Variants in MYO1D observed in about 807,000 individuals in gnomAD.
MYO1D encodes unconventional myosin-Id.
Under a neutral mutation model 122.0 loss-of-function variants are expected in MYO1D, and 83 were observed. The ratio of observed to expected loss-of-function variants is 0.68; its 90% confidence interval spans 0.57 to 0.82. The LOEUF is 0.82. Ranked by LOEUF, MYO1D falls within the 40% of genes least tolerant of loss-of-function variation. MYO1D has a pLI of 0.00. For synonymous variants in MYO1D, 464 were observed against 446.9 expected (o/e 1.04, Z -0.48); for missense variants, 1,157 against 1,269.5 (o/e 0.91, Z 1.35).
chr17:32,723,176 A>C lies in MYO1D; in HGVS notation c.1747-1987T>G, dbSNP rs971382889. On this transcript the variant is annotated intron_variant, in intron 14 of 21. Coordinates refer to ENST00000318217, the MANE Select transcript of MYO1D (RefSeq NM_015194.3). ...CGCTTGGACCCGAGTTCTGTGAATCATTCTAGTGAATTATCAAACCTGAAG... is the reference window on the plus strand; with the variant it reads ...CGCTTGGACCCGAGTTCTGTGAATCCTTCTAGTGAATTATCAAACCTGAAG... 3.3e-5 allele frequency among the ~76,000 whole-genome samples: 5 copies of C among 152,314 alleles called. No homozygotes were observed. In the East Asian group the frequency reaches 9.6e-4, roughly 29 times the overall value.
chr17:32,612,029 A>G (rs1461703349), intron 20 of MYO1D, among the ~76,000 whole-genome samples: 2 of 152,242 alleles, frequency 1.3e-5, no homozygotes, highest in African/African-American at 4.8e-5. Context: ...CAATGCAGCA[A>G]CAGAAAAAAG....
intron 21 of MYO1D, among the ~76,000 whole-genome samples, chr17:32,502,263 G>A (rs1909341378): frequency 6.6e-6 from 1 of 152,212 alleles, no homozygotes; most frequent in African/African-American, 2.4e-5. Context: ...ACAACAAGAT[G>A]AACCTTGAAC....
chr17:32,661,655 C>CA (rs11367680), intron 16 of MYO1D, among the ~76,000 whole-genome samples: 9 of 147,790 alleles, frequency 6.1e-5, no homozygotes, highest in East Asian at 4.0e-4. Flanking sequence ...GACCCTGTCC[C>CA]AAAAAAAAAA....
rs1011717198 is a variant in MYO1D at position 32,778,756 on chromosome 17, C to T, written c.305-183G>A. Among the ~76,000 whole-genome samples the T allele has an allele frequency of 2.6e-5, 4 of 152,086 alleles. No homozygotes were observed. The South Asian group carries it at 6.2e-4, about 24-fold the overall frequency. On this transcript the variant is annotated intron_variant, in intron 2 of 21. Coordinates refer to ENST00000318217, the MANE Select transcript of MYO1D (RefSeq NM_015194.3). ...GCCTTGATATGGTTAGTGGTTCTAA[C>T]AGACCTGAATATGATGAAGAAAATA...
intron 21 of MYO1D, among the ~76,000 whole-genome samples, chr17:32,540,117 A>T (rs1483432921): frequency 6.6e-6 from 1 of 151,982 alleles, no homozygotes; most frequent in Non-Finnish European, 1.5e-5. Context: ...AGTCTGAGGC[A>T]GGCGGATCAT....
At chr17:32,768,525 CTT>C (rs1214930484) in intron 6 of MYO1D, among the ~76,000 whole-genome samples, 38 of 152,326 alleles carry the variant, frequency 2.5e-4, no homozygotes, top group Non-Finnish European at 1.8e-4. Flanking sequence ...AGTTTCTCCT[CTT>C]GTTTGGATAC....
intron 21 of MYO1D, among the ~76,000 whole-genome samples, chr17:32,542,892 A>G (rs1910881413): frequency 1.3e-5 from 2 of 152,216 alleles, no homozygotes; most frequent in African/African-American, 4.8e-5. Context: ...GGATTTCATG[A>G]TCATTAGCTC....
intron 20 of MYO1D, chr17:32,627,688 T>C: frequency 6.6e-6 from 1 of 152,094 alleles, no homozygotes; most frequent in East Asian, 1.9e-4. Context: ...AAGCCCATAC[T>C]GATAAAAAGG....
chr17:32,755,462 AAAGG>A (rs1349010589), intron 11 of MYO1D, 26 bp downstream of exon 11: 1 of 1,602,544 alleles, frequency 6.2e-7, no homozygotes, highest in Non-Finnish European at 8.5e-7. Context: ...CTCACAGATA[AAAGG>A]AAGAAGGTGT....
chr17:32,852,762 TG>T (rs1362110380), intron 1 of MYO1D, among the ~76,000 whole-genome samples: 2 of 152,190 alleles, frequency 1.3e-5, no homozygotes, highest in Non-Finnish European at 2.9e-5. Context: ...ACAAGAATCA[TG>T]TATTTATAAA....
Position 32,535,326 on chromosome 17 carries a change from C to T in MYO1D, c.2865-40411G>A, listed in dbSNP as rs551518499. ...TAAGTATAATTGCAGATTAAATTTT[C>T]ACTTTATGACCTAGTACATAGCACT... On this transcript the variant is annotated intron_variant, in intron 21 of 21. Transcript: ENST00000318217. 5.3e-5 allele frequency among the ~76,000 whole-genome samples: 8 copies of T among 152,296 alleles called. 1 individual carries two copies. In the East Asian group the frequency reaches 1.5e-3, roughly 29 times the overall value.
At chr17:32,564,755 C>T (rs1011732835) in intron 21 of MYO1D, among the ~76,000 whole-genome samples, 1 of 152,158 alleles carries the variant, frequency 6.6e-6, no homozygotes, top group East Asian at 1.9e-4. Context: ...GCACCTTTAA[C>T]CCTGACTCTA....
intron 1 of MYO1D, among the ~76,000 whole-genome samples, chr17:32,853,509 T>G (rs2091005882): frequency 1.3e-5 from 2 of 152,240 alleles, no homozygotes; most frequent in Non-Finnish European, 2.9e-5. Flanking sequence ...AATAGTTGGA[T>G]GCATCCTCCT....
intron 21 of MYO1D, among the ~76,000 whole-genome samples, chr17:32,534,843 G>A (rs1002020360): frequency 6.6e-6 from 1 of 152,130 alleles, no homozygotes; most frequent in Non-Finnish European, 1.5e-5. Context: ...GGAATTGAGT[G>A]AGCGAAGTAC....
chr17:32,556,550 A>AT (rs1398186174), intron 21 of MYO1D, among the ~76,000 whole-genome samples: 1 of 89,820 alleles, frequency 1.1e-5, no homozygotes, highest in Non-Finnish European at 2.1e-5. Flanking sequence ...TTATGGCCAC[A>AT]ATTTTTTTTT....
chr17:32,566,093 T>C (rs972744892), intron 21 of MYO1D, among the ~76,000 whole-genome samples: 7 of 152,118 alleles, frequency 4.6e-5, no homozygotes, highest in African/African-American at 1.4e-4. Flanking sequence ...GCTTCCTATA[T>C]ATTCATTCAA....
At chr17:32,536,403 C>A (rs1355552015) in intron 21 of MYO1D, among the ~76,000 whole-genome samples, 1 of 152,160 alleles carries the variant, frequency 6.6e-6, no homozygotes, top group Admixed American at 6.6e-5. Flanking sequence ...AATCACAAGT[C>A]ATATCTTGAA....
chr17:32,766,534 GCCTGTAATCCCAGAACTT>G (rs2090059033), intron 7 of MYO1D, among the ~76,000 whole-genome samples: 1 of 152,104 alleles, frequency 6.6e-6, no homozygotes, highest in Non-Finnish European at 1.5e-5. Flanking sequence ...AGTGGCTCAC[GCCTGTAATCCCAGAACTT>G]TGGGAGGCTG....
intron 1 of MYO1D, among the ~76,000 whole-genome samples, chr17:32,832,935 G>A (rs2090786521): frequency 6.6e-6 from 1 of 152,070 alleles, no homozygotes; most frequent in Non-Finnish European, 1.5e-5. Flanking sequence ...TTCTCCCAAG[G>A]GACGTTTACA....
Sources: allele counts gnomAD v4.1 joint callset (sites outside exome capture counted in the v4.1 genomes callset), GRCh38; gene constraint gnomAD v4.1.1; transcripts MANE v1.5; gene names NCBI Gene and HGNC (gene_info 2026-07-23, HGNC 2026-07-21).